Variants in TAFA1 observed in about 807,000 individuals in gnomAD.
TAFA1 encodes TAFA chemokine like family member 1, also known as chemokine-like protein TAFA-1.
Under a neutral mutation model 18.5 loss-of-function variants are expected in TAFA1, and 4 were observed. That is an observed-to-expected ratio of 0.22 (90% CI 0.11 to 0.49). The LOEUF (loss-of-function observed/expected upper bound fraction) is 0.49. Among genes scored for constraint, TAFA1 ranks in the 20% least tolerant of loss-of-function variants. The probability of loss-of-function intolerance (pLI) is 0.98; values close to 1 mark genes in which losing one functional copy is unlikely to be tolerated. For synonymous variants in TAFA1, 56 were observed against 55.2 expected (o/e 1.01, Z -0.06); for missense variants, 147 against 169.0 (o/e 0.87, Z 0.72).
chr3:68,379,527 G>C (rs575812213), intron 2 of TAFA1, among the ~76,000 whole-genome samples: 1 of 152,168 alleles, frequency 6.6e-6, no homozygotes, highest in African/African-American at 2.4e-5. Flanking sequence ...TTTTGCTTTT[G>C]TCGTAATTGC....
At chr3:68,223,571 A>C (rs909452482) in intron 2 of TAFA1, among the ~76,000 whole-genome samples, 3 of 152,086 alleles carry the variant, frequency 2.0e-5, no homozygotes, top group African/African-American at 7.2e-5. Flanking sequence ...CTTCTAATAA[A>C]AATGTAAGCC....
chr3:68,525,296 A>C (rs2073092904), intron 3 of TAFA1, among the ~76,000 whole-genome samples: 1 of 152,196 alleles, frequency 6.6e-6, no homozygotes, highest in Admixed American at 6.5e-5. Context: ...GTTTGATATT[A>C]GTGAAATTAC....
intron 3 of TAFA1, among the ~76,000 whole-genome samples, chr3:68,422,400 A>C (rs1005994257): frequency 6.6e-6 from 1 of 152,130 alleles, no homozygotes; most frequent in African/African-American, 2.4e-5. Flanking sequence ...CGTTTGTCCT[A>C]AACATATTCT....
chr3:68,106,297 G>C (rs2065203244), intron 2 of TAFA1, among the ~76,000 whole-genome samples: 2 of 152,086 alleles, frequency 1.3e-5, no homozygotes, highest in African/African-American at 4.8e-5. Flanking sequence ...TGCTATCCAA[G>C]TGGAATACTG....
At chr3:68,425,646 A>G (rs745699051) in intron 3 of TAFA1, among the ~76,000 whole-genome samples, 4 of 151,972 alleles carry the variant, frequency 2.6e-5, no homozygotes, top group Non-Finnish European at 4.4e-5. Context: ...AAAGCTTTTT[A>G]TACTGCCTAA....
intron 3 of TAFA1, among the ~76,000 whole-genome samples, chr3:68,492,648 T>C (rs933306826): frequency 2.0e-5 from 3 of 152,202 alleles, no homozygotes; most frequent in African/African-American, 4.8e-5. Context: ...TGGAGTTTGA[T>C]AGTTTGCTTG....
Position 68,284,621 on chromosome 3 carries a change from A to G in TAFA1, c.119-132659A>G, listed in dbSNP as rs527581572. ...ACTGTGCTATGTTCATACAACAGAA[A>G]ACTGCCCAGCAATAAAAAAGAGCAG... On this transcript the variant is annotated intron_variant, in intron 2 of 4. Coordinates refer to ENST00000478136, the MANE Select transcript of TAFA1 (RefSeq NM_213609.4). 2.8e-4 allele frequency among the ~76,000 whole-genome samples: 43 copies of G among 152,166 alleles called. 3 individuals carry two copies. The highest frequency in any genetic ancestry group is 5.9e-5 in the Non-Finnish European group (4 of 68,032).
chr3:68,369,041 C>T (rs901394593), intron 2 of TAFA1, among the ~76,000 whole-genome samples: 3 of 152,126 alleles, frequency 2.0e-5, no homozygotes, highest in East Asian at 1.9e-4. Flanking sequence ...TATGACCTTA[C>T]GATATTGTCA....
chr3:68,345,876 C>T (rs1332239682), intron 2 of TAFA1, among the ~76,000 whole-genome samples: 2 of 152,116 alleles, frequency 1.3e-5, no homozygotes, highest in Non-Finnish European at 1.5e-5. Context: ...TAATGAGATG[C>T]ACATTCTCTT....
At chr3:68,496,944 G>A (rs1398066) in intron 3 of TAFA1, among the ~76,000 whole-genome samples, 29,039 of 152,014 alleles carry the variant, frequency 0.19, 2,945 homozygotes, top group Middle Eastern at 0.23. Flanking sequence ...CAATGCTACT[G>A]CTACTGCTGT....
intron 2 of TAFA1, among the ~76,000 whole-genome samples, chr3:68,332,548 C>G (rs978764560): frequency 1.3e-5 from 2 of 152,080 alleles, no homozygotes; most frequent in Non-Finnish European, 2.9e-5. Flanking sequence ...ATAAGAAACT[C>G]ATGCAACTCA....
At chr3:68,402,457 C>T (rs753411720) in intron 2 of TAFA1, among the ~76,000 whole-genome samples, 1 of 152,136 alleles carries the variant, frequency 6.6e-6, no homozygotes, top group African/African-American at 2.4e-5. Flanking sequence ...TCTGTGGATG[C>T]TGTATGTAAC....
At chr3:68,163,129 C>T (rs1339094610) in intron 2 of TAFA1, among the ~76,000 whole-genome samples, 1 of 152,134 alleles carries the variant, frequency 6.6e-6, no homozygotes, top group African/African-American at 2.4e-5. Flanking sequence ...AAGAGCATAA[C>T]AATTTATTTT....
intron 2 of TAFA1, among the ~76,000 whole-genome samples, chr3:68,270,057 C>A (rs2067633098): frequency 6.6e-6 from 1 of 152,156 alleles, no homozygotes; most frequent in Admixed American, 6.5e-5. Context: ...CAGGAAACCA[C>A]ATCCAAATGT....
At chr3:68,263,621 C>T (rs1488656202) in intron 2 of TAFA1, among the ~76,000 whole-genome samples, 1 of 149,640 alleles carries the variant, frequency 6.7e-6, no homozygotes, top group Non-Finnish European at 1.5e-5. Context: ...GAGGCTGGGC[C>T]ACTTGCTCAA....
At chr3:68,434,934 C>T (rs1047978227) in intron 3 of TAFA1, among the ~76,000 whole-genome samples, 5 of 152,148 alleles carry the variant, frequency 3.3e-5, no homozygotes, top group Non-Finnish European at 1.5e-5. Context: ...CTTACTAACA[C>T]TCTCTAATAC....
chr3:68,238,225 G>A (rs574463456), intron 2 of TAFA1, among the ~76,000 whole-genome samples: 23 of 152,256 alleles, frequency 1.5e-4, no homozygotes, highest in African/African-American at 4.6e-4. Context: ...GTGGTCTTTT[G>A]ACATCAGAGG....
At chr3:68,442,388 C>T (rs2071399852) in intron 3 of TAFA1, among the ~76,000 whole-genome samples, 1 of 152,078 alleles carries the variant, frequency 6.6e-6, no homozygotes, top group African/African-American at 2.4e-5. Context: ...ATCCATTCCC[C>T]TCCAAAGACA....
chr3:68,203,257 G>T (rs537215166), intron 2 of TAFA1, among the ~76,000 whole-genome samples: 25 of 151,750 alleles, frequency 1.6e-4, no homozygotes, highest in Non-Finnish European at 3.4e-4. Context: ...TGAAAATGAT[G>T]TGCCTAGGTG....
Sources: allele counts gnomAD v4.1 joint callset (sites outside exome capture counted in the v4.1 genomes callset), GRCh38; gene constraint gnomAD v4.1.1; transcripts MANE v1.5; gene names NCBI Gene and HGNC (gene_info 2026-07-23, HGNC 2026-07-21).